The following RAB33A variants were observed in gnomAD, a reference collection of about 807,000 sequenced individuals.
RAB33A encodes ras-related protein Rab-33A.
In RAB33A, 6 loss-of-function variants were observed where a neutral mutation model predicts 12.0. The ratio of observed to expected loss-of-function variants is 0.50; its 90% CI spans 0.27 to 0.99. RAB33A has a LOEUF of 0.99. RAB33A is among the 50% of genes least tolerant of loss of function. RAB33A has a pLI of 0.11. For missense variants in RAB33A, 109 were observed against 192.0 expected (o/e 0.57, Z 2.55); for synonymous variants, 70 against 82.4 (o/e 0.85, Z 0.81).
At chrX:130,133,950 C>T in the RAB33A span, among the ~76,000 whole-genome samples, 3 of 110,898 alleles carry the variant, frequency 2.7e-5, no homozygotes, top group African/African-American at 9.8e-5. Context: ...CATTTTAAAA[C>T]ATCTATTCCA....
At chrX:130,115,857 C>T in the RAB33A span, among the ~76,000 whole-genome samples, 1 of 111,103 alleles carries the variant, frequency 9.0e-6, no homozygotes, top group Non-Finnish European at 1.9e-5. Flanking sequence ...TATAATCCTT[C>T]CTATAAAGCC....
the RAB33A span, chrX:130,147,954 C>T: frequency 1.7e-5 from 20 of 1,155,699 alleles, no homozygotes; most frequent in Non-Finnish European, 2.4e-5. Flanking sequence ...AAAAAATCAC[C>T]TTGCACTTGT....
chrX:130,173,412 G>A (rs1213554427), intron 1 of RAB33A, among the ~76,000 whole-genome samples: 1 of 111,751 alleles, frequency 8.9e-6, no homozygotes, highest in Non-Finnish European at 1.9e-5. Context: ...CTTCTTGCTG[G>A]TCAAACTGCC....
chrX:130,146,544 T>C, the RAB33A span, among the ~76,000 whole-genome samples: 1 of 108,963 alleles, frequency 9.2e-6, no homozygotes, highest in Non-Finnish European at 1.9e-5. Flanking sequence ...AAAGTATACA[T>C]CCTGTTTGAA....
the RAB33A span, among the ~76,000 whole-genome samples, chrX:130,163,271 C>T: frequency 1.0e-5 from 1 of 99,341 alleles, no homozygotes; most frequent in African/African-American, 3.9e-5. Flanking sequence ...GATCGTGCCA[C>T]TGCACTCTGG....
chrX:130,172,217 T>TGACCTTCCGCTTCTGCGGGGG lies in RAB33A; in HGVS notation c.156_176dup (p.Arg55_Phe61dup). ...GACTCCAACGTGGGCAAGACCTGCC[T>TGACCTTCCGCTTCTGCGGGGG]GACCTTCCGCTTCTGCGGGGGTACC... On this transcript the variant is annotated inframe_insertion, in exon 1 of 2. Coordinates refer to ENST00000257017, the MANE Select transcript of RAB33A (RefSeq NM_004794.3). 1 of 1,212,418 alleles carries TGACCTTCCGCTTCTGCGGGGG rather than the reference T, an allele frequency of 8.2e-7. No individual in the cohort carries two copies. The highest frequency in any genetic ancestry group is 1.1e-6 in the Non-Finnish European group (1 of 895,606).
At chrX:130,173,291 C>A (rs1011523725) in intron 1 of RAB33A, among the ~76,000 whole-genome samples, 1 of 111,434 alleles carries the variant, frequency 9.0e-6, no homozygotes, top group African/African-American at 3.3e-5. Context: ...CAGAGGGGGG[C>A]CTCTATAAAG....
chrX:130,165,402 G>C, the RAB33A span: 1 of 532,421 alleles, frequency 1.9e-6, no homozygotes, highest in Non-Finnish European at 3.3e-6. Flanking sequence ...CCGCTTGCAA[G>C]ACTCAGGGTT....
the RAB33A span, chrX:130,136,783 TG>T: frequency 2.6e-6 from 3 of 1,149,840 alleles, no homozygotes; most frequent in East Asian, 6.0e-5. Context: ...ATCACTTTCA[TG>T]GGAAGTAGGA....
At chrX:130,175,527 A>C (rs1603234797) in intron 1 of RAB33A, among the ~76,000 whole-genome samples, 1 of 75,679 alleles carries the variant, frequency 1.3e-5, no homozygotes. Flanking sequence ...AGGGAGTTTC[A>C]CTCTTGTTGC....
chrX:130,180,747 CG>C (rs1464273378), intron 1 of RAB33A, among the ~76,000 whole-genome samples: 2 of 93 alleles, frequency 0.022, no homozygotes, highest in East Asian at 0.25. Flanking sequence ...TGAGCCACTG[CG>C]CCCTGGCCTC....
At chrX:130,130,230 T>C in the RAB33A span, 8 of 1,160,456 alleles carry the variant, frequency 6.9e-6, no homozygotes, top group Non-Finnish European at 9.4e-6. Context: ...TATTATGAGC[T>C]TGGGAAATTC....
upstream of RAB33A, among the ~76,000 whole-genome samples, chrX:130,169,034 C>T (rs1013759946): frequency 5.5e-5 from 6 of 109,556 alleles, no homozygotes; most frequent in Admixed American, 4.9e-4. Flanking sequence ...AGTGAAACCC[C>T]GTCTCTACTA....
upstream of RAB33A, among the ~76,000 whole-genome samples, chrX:130,171,483 C>T (rs1010854127): frequency 8.9e-6 from 1 of 112,386 alleles, no homozygotes; most frequent in African/African-American, 3.2e-5. Flanking sequence ...AGCTCTTTGT[C>T]CTCCCCAGCT....
At chrX:130,128,109 A>G in the RAB33A span, among the ~76,000 whole-genome samples, 2 of 111,266 alleles carry the variant, frequency 1.8e-5, no homozygotes, top group African/African-American at 6.5e-5. Context: ...TACGGTGGAG[A>G]TTTGGCCTGT....
the RAB33A span, among the ~76,000 whole-genome samples, chrX:130,138,259 A>C: frequency 9.0e-6 from 1 of 110,762 alleles, no homozygotes; most frequent in South Asian, 3.8e-4. Context: ...AGGTCAGGAG[A>C]TCGAGACAGT....
chrX:130,165,812 G>C, the RAB33A span: 1 of 532,972 alleles, frequency 1.9e-6, no homozygotes. Context: ...GGACAGAGAA[G>C]CCGGCCTGCT....
chrX:130,163,032 G>A, the RAB33A span, among the ~76,000 whole-genome samples: 3 of 111,671 alleles, frequency 2.7e-5, no homozygotes, highest in Non-Finnish European at 5.6e-5. Flanking sequence ...AGATGTCAAC[G>A]AGATAGTTGC....
chrX:130,170,585 T>C (rs2031594229), upstream of RAB33A, among the ~76,000 whole-genome samples: 2 of 113,082 alleles, frequency 1.8e-5, no homozygotes, highest in Admixed American at 9.3e-5. Context: ...GGAGAAGGAA[T>C]ACTGGTCTTG....
Sources: allele counts gnomAD v4.1 joint callset (sites outside exome capture counted in the v4.1 genomes callset), GRCh38; gene constraint gnomAD v4.1.1; transcripts MANE v1.5; gene names NCBI Gene and HGNC (gene_info 2026-07-23, HGNC 2026-07-21).